The following FAM3C variants were observed in gnomAD, a reference collection of about 807,000 sequenced individuals.
FAM3C encodes the protein protein FAM3C.
FAM3C carries 15 observed loss-of-function variants against 32.5 expected under a neutral mutation model. That is an observed-to-expected ratio of 0.46 (90% CI 0.31 to 0.71). FAM3C has a LOEUF of 0.71. FAM3C is among the 30% of genes least tolerant of loss of function. The pLI, the probability that FAM3C is intolerant of heterozygous loss-of-function variation, is 0.05. For synonymous variants in FAM3C, 75 were observed against 86.1 expected, an observed-to-expected ratio of 0.87 and a Z score of 0.72; for missense variants, 175 against 274.4, an observed-to-expected ratio of 0.64 and a Z score of 2.56.
intron 2 of FAM3C, among the ~76,000 whole-genome samples, chr7:121,379,577 C>A (rs957979902): frequency 1.1e-4 from 16 of 152,212 alleles, no homozygotes; most frequent in African/African-American, 3.9e-4. Flanking sequence ...TACCTTAGTA[C>A]CTTAAGACAG....
intron 8 of FAM3C, among the ~76,000 whole-genome samples, chr7:121,356,457 T>TA (rs1303511671): frequency 6.6e-6 from 1 of 152,214 alleles, no homozygotes; most frequent in African/African-American, 2.4e-5. Flanking sequence ...GGAATACACT[T>TA]ACTGTTTTGT....
rs531981505 is a variant in FAM3C at position 121,358,616 on chromosome 7, C to G, written c.467+1427G>C. On this transcript the variant is annotated intron_variant, in intron 8 of 9. Transcript: ENST00000359943. ...CAGAACAGAAATTCCAGAGATAAAG[C>G]CAAATCTACATAAGAACATAGGCAT... 1.3e-4 allele frequency among the ~76,000 whole-genome samples: 19 copies of G among 151,916 alleles called. No homozygotes were observed. In the South Asian group the frequency reaches 3.3e-3, roughly 27 times the overall value.
intron 1 of FAM3C, among the ~76,000 whole-genome samples, chr7:121,385,862 C>A (rs887786696): frequency 3.3e-5 from 5 of 152,160 alleles, no homozygotes; most frequent in African/African-American, 1.2e-4. Flanking sequence ...TTTATGTAAT[C>A]TTCCCACCAG....
At chr7:121,395,496 C>T (rs1163969134) in intron 1 of FAM3C, among the ~76,000 whole-genome samples, 1 of 151,448 alleles carries the variant, frequency 6.6e-6, no homozygotes, top group African/African-American at 2.4e-5. Flanking sequence ...TGATGGAAAC[C>T]GCTCCTCCCA....
At chr7:121,379,584 A>C (rs1399851472) in intron 2 of FAM3C, among the ~76,000 whole-genome samples, 1 of 152,130 alleles carries the variant, frequency 6.6e-6, no homozygotes, top group Non-Finnish European at 1.5e-5. Flanking sequence ...GTACCTTAAG[A>C]CAGGCCTTCT....
intron 3 of FAM3C, among the ~76,000 whole-genome samples, chr7:121,373,827 C>T (rs567403407): frequency 6.6e-6 from 1 of 151,648 alleles, no homozygotes; most frequent in African/African-American, 2.4e-5. Context: ...TCGAGACCAT[C>T]CTGGCTAACA....
At position 121,350,567 on chromosome 7, in the gene FAM3C, A is replaced by G; in HGVS notation, c.595-17T>C. 1 of 1,611,064 alleles carries G rather than the reference A, an allele frequency of 6.2e-7. No homozygotes were observed. The highest frequency in any genetic ancestry group is 8.5e-7 in the Non-Finnish European group (1 of 1,178,364). On this transcript the variant is annotated splice_polypyrimidine_tract_variant and intron_variant, in intron 9 of 9. Transcript: ENST00000359943. ...CTTTATGTGCTATTGGAACACAGTA[A>G]TAATATACAGTTTAAAAAACCGTTG... is the stretch of plus-strand genomic sequence containing the variant.
chr7:121,358,253 TATAAA>T (rs1467876525), intron 8 of FAM3C, among the ~76,000 whole-genome samples: 1 of 152,120 alleles, frequency 6.6e-6, no homozygotes, highest in Non-Finnish European at 1.5e-5. Flanking sequence ...ATAATGTAGC[TATAAA>T]ATAATACATT....
Position 121,372,281 on chromosome 7 carries a change from G to T in FAM3C, c.119-142C>A, listed in dbSNP as rs551569333. 4.4e-4 allele frequency: 244 copies of T among 548,380 alleles called. 2 individuals carry two copies. In the South Asian group the frequency reaches 7.5e-3, roughly 17 times the overall value. 34.0% of individuals were successfully genotyped at this position (548,380 alleles called of 1,614,324 possible). ...AAACATGAATATCACTTAAGAAAAA[G>T]TGAGAAAGTAACTTCACACTGTACA... On this transcript the variant is annotated intron_variant, in intron 3 of 9. Coordinates refer to ENST00000359943, the MANE Select transcript of FAM3C (RefSeq NM_014888.3).
At chr7:121,381,712 T>C (rs1406702004) in intron 2 of FAM3C, among the ~76,000 whole-genome samples, 5 of 149,460 alleles carry the variant, frequency 3.3e-5, no homozygotes, top group East Asian at 1.9e-4. Context: ...TAAAAAGACA[T>C]TGCAACACAT....
intron 3 of FAM3C, among the ~76,000 whole-genome samples, chr7:121,374,222 A>G (rs149730857): frequency 6.6e-6 from 1 of 152,296 alleles, no homozygotes; most frequent in East Asian, 1.9e-4. Flanking sequence ...GGAGAAACTG[A>G]GTAAACAGTA....
At chr7:121,360,596 G>A (rs1413889402) in intron 7 of FAM3C, among the ~76,000 whole-genome samples, 1 of 152,164 alleles carries the variant, frequency 6.6e-6, no homozygotes, top group Non-Finnish European at 1.5e-5. Flanking sequence ...ACCTTGGGAG[G>A]TCAGGGCTGG....
At chr7:121,352,699 T>G (rs1793728865) in intron 8 of FAM3C, among the ~76,000 whole-genome samples, 1 of 152,250 alleles carries the variant, frequency 6.6e-6, no homozygotes, top group Non-Finnish European at 1.5e-5. Flanking sequence ...CATCCTTACA[T>G]GAATTATCCA....
chr7:121,360,991 G>GATATA (rs1793909073), intron 7 of FAM3C, among the ~76,000 whole-genome samples: 1 of 152,088 alleles, frequency 6.6e-6, no homozygotes, highest in African/African-American at 2.4e-5. Flanking sequence ...CAGATTTAAA[G>GATATA]GCTATTTTAG....
At chr7:121,357,732 T>A (rs1420820143) in intron 8 of FAM3C, among the ~76,000 whole-genome samples, 1 of 152,164 alleles carries the variant, frequency 6.6e-6, no homozygotes, top group Non-Finnish European at 1.5e-5. Flanking sequence ...GATTTTTCCT[T>A]TTGCCCTAGA....
At chr7:121,389,721 T>G (rs1794538725) in intron 1 of FAM3C, among the ~76,000 whole-genome samples, 1 of 151,074 alleles carries the variant, frequency 6.6e-6, no homozygotes, top group Non-Finnish European at 1.5e-5. Flanking sequence ...ATCACCTAGC[T>G]GGCATTAATG....
Position 121,372,133 on chromosome 7 carries a change from G to C in FAM3C, c.125C>G (p.Ser42Ter), listed in dbSNP as rs759140343. ...DASLGNLFAR[S>*]ALDTAARSTK... ...ACAACGTGCAGCTGTGTCCAATGCTGATCTTGCTGAAAAAAAAAAATTACT... is the reference window on the plus strand; with the variant it reads ...ACAACGTGCAGCTGTGTCCAATGCTCATCTTGCTGAAAAAAAAAAATTACT... Residue 42 changes from serine (S) to a stop codon, truncating the protein, a stop_gained, in exon 4 of 10, where the codon TCA becomes TGA. Coordinates refer to ENST00000359943, the MANE Select transcript of FAM3C (RefSeq NM_014888.3). LOFTEE classifies it high-confidence loss of function. The C allele has an allele frequency of 1.2e-6, 2 of 1,604,470 alleles. No individual in the cohort carries two copies. Among genetic ancestry groups the C allele is most frequent in the Admixed American group, 1.7e-5 (1 of 59,610 alleles).
chr7:121,370,470 G>GT (rs1410060802), intron 5 of FAM3C, among the ~76,000 whole-genome samples: 3 of 152,054 alleles, frequency 2.0e-5, no homozygotes, highest in African/African-American at 7.2e-5. Flanking sequence ...TATATAATTC[G>GT]TGACAAATTT....
At chr7:121,393,727 G>T (rs925008742) in intron 1 of FAM3C, among the ~76,000 whole-genome samples, 1 of 152,144 alleles carries the variant, frequency 6.6e-6, no homozygotes, top group African/African-American at 2.4e-5. Flanking sequence ...TGCATTAAAA[G>T]AAAGTACAAA....
Sources: allele counts gnomAD v4.1 joint callset (sites outside exome capture counted in the v4.1 genomes callset), GRCh38; gene constraint gnomAD v4.1.1; transcripts MANE v1.5; gene names NCBI Gene and HGNC (gene_info 2026-07-23, HGNC 2026-07-21).